Variants in CFAP144 observed in about 807,000 individuals in gnomAD.
The protein encoded by CFAP144 is cilia- and flagella-associated protein 144.
chr1:43,154,060 G>GTATATATA, the CFAP144 span, among the ~76,000 whole-genome samples: 1 of 71,762 alleles, frequency 1.4e-5, no homozygotes, highest in African/African-American at 4.4e-5. Context: ...ATATATGTGT[G>GTATATATA]TGTATATATA....
At chr1:43,145,251 G>A in the CFAP144 span, 2 of 1,549,752 alleles carry the variant, frequency 1.3e-6, no homozygotes, top group East Asian at 2.4e-5. Flanking sequence ...GACAGAGAAT[G>A]AAGAGGAGAG....
At chr1:43,143,869 T>G in the CFAP144 span, among the ~76,000 whole-genome samples, 2 of 109,840 alleles carry the variant, frequency 1.8e-5, no homozygotes, top group African/African-American at 1.1e-4. Flanking sequence ...CTGTGCTCCC[T>G]CCTACCTGCC....
At chr1:43,151,637 G>C in the CFAP144 span, among the ~76,000 whole-genome samples, 7,333 of 152,190 alleles carry the variant, frequency 0.048, 576 homozygotes, top group African/African-American at 0.16. Flanking sequence ...GTGGAGAAAG[G>C]GCCCTATTTG....
chr1:43,156,294 G>A, the CFAP144 span: 39 of 1,613,782 alleles, frequency 2.4e-5, no homozygotes, highest in Admixed American at 5.0e-5. Context: ...TGGGGCTTAG[G>A]AGATGATCAC....
chr1:43,156,060 T>A, the CFAP144 span: 1 of 668,450 alleles, frequency 1.5e-6, no homozygotes, highest in Non-Finnish European at 2.7e-6. Flanking sequence ...CACAACCTTT[T>A]TGATGTACAT....
At chr1:43,149,935 C>T in the CFAP144 span, among the ~76,000 whole-genome samples, 3 of 152,282 alleles carry the variant, frequency 2.0e-5, 1 homozygote, top group East Asian at 5.8e-4. Flanking sequence ...TACTCTCCAT[C>T]CAGCTCACTC....
At chr1:43,154,856 C>A in the CFAP144 span, among the ~76,000 whole-genome samples, 19 of 150,036 alleles carry the variant, frequency 1.3e-4, no homozygotes, top group African/African-American at 4.7e-4. Context: ...GGGTAAGTGA[C>A]GGAAAAATAC....
chr1:43,150,784 A>C, the CFAP144 span: 2 of 1,610,462 alleles, frequency 1.2e-6, no homozygotes, highest in South Asian at 2.2e-5. Context: ...CAGGAAGCCC[A>C]TGTCTTGGCA....
chr1:43,153,314 A>C, the CFAP144 span, among the ~76,000 whole-genome samples: 1 of 152,154 alleles, frequency 6.6e-6, no homozygotes, highest in Admixed American at 6.5e-5. Context: ...CTTATCCATA[A>C]AAAATGGACA....
At chr1:43,153,994 A>T in the CFAP144 span, among the ~76,000 whole-genome samples, 1 of 147,938 alleles carries the variant, frequency 6.8e-6, no homozygotes, top group South Asian at 2.1e-4. Flanking sequence ...TACATTACCA[A>T]GCAACTATTC....
the CFAP144 span, chr1:43,153,033 C>A: frequency 7.1e-7 from 1 of 1,417,812 alleles, no homozygotes. Context: ...GGGCTTGAAC[C>A]TGGCTACCTC....
At chr1:43,145,720 A>G in the CFAP144 span, among the ~76,000 whole-genome samples, 1 of 152,190 alleles carries the variant, frequency 6.6e-6, no homozygotes, top group Non-Finnish European at 1.5e-5. Flanking sequence ...ATCCCAAAAG[A>G]TATTTTTAGG....
chr1:43,148,202 GC>G, the CFAP144 span: 1 of 1,040,930 alleles, frequency 9.6e-7, no homozygotes, highest in Non-Finnish European at 1.4e-6. Flanking sequence ...CCCAGCACCC[GC>G]CCCCTTTCCT....
the CFAP144 span, among the ~76,000 whole-genome samples, chr1:43,151,981 T>C: frequency 6.6e-6 from 1 of 152,128 alleles, no homozygotes; most frequent in Non-Finnish European, 1.5e-5. Context: ...CTCGCTCTCT[T>C]ATATGAAGGA....
the CFAP144 span, among the ~76,000 whole-genome samples, chr1:43,144,641 GA>G: frequency 6.6e-6 from 1 of 151,884 alleles, no homozygotes; most frequent in Non-Finnish European, 1.5e-5. Flanking sequence ...ACCCCTCTCC[GA>G]ATAATGTCAG....
chr1:43,150,569 G>C, the CFAP144 span, among the ~76,000 whole-genome samples: 2 of 152,234 alleles, frequency 1.3e-5, no homozygotes, highest in Non-Finnish European at 2.9e-5. Flanking sequence ...ATTCTGGGCA[G>C]TGCCACTCTA....
chr1:43,156,393 C>T, the CFAP144 span: 319 of 1,139,674 alleles, frequency 2.8e-4, no homozygotes, highest in Middle Eastern at 6.5e-4. Flanking sequence ...TACTTTAAAA[C>T]GAAGTTTCAC....
chr1:43,154,062 G>GTATATATA, the CFAP144 span, among the ~76,000 whole-genome samples: 761 of 83,524 alleles, frequency 9.1e-3, 9 homozygotes, highest in Non-Finnish European at 0.014. Context: ...ATATGTGTGT[G>GTATATATA]TATATATATA....
At chr1:43,146,192 G>A in the CFAP144 span, among the ~76,000 whole-genome samples, 4,727 of 152,244 alleles carry the variant, frequency 0.031, 110 homozygotes, top group Admixed American at 0.042. Flanking sequence ...GTTATGAAGT[G>A]TAAAATCTGC....
Sources: allele counts gnomAD v4.1 joint callset (sites outside exome capture counted in the v4.1 genomes callset), GRCh38; gene constraint gnomAD v4.1.1; transcripts MANE v1.5; gene names NCBI Gene and HGNC (gene_info 2026-07-23, HGNC 2026-07-21).